MTHFD1: variants seen among roughly 807,000 people sequenced by gnomAD.
The protein encoded by MTHFD1 is C-1-tetrahydrofolate synthase, cytoplasmic.
In MTHFD1, 44 loss-of-function variants were observed where a neutral mutation model predicts 110.3. The ratio of observed to expected loss-of-function variants is 0.40; its 90% CI spans 0.31 to 0.51. The LOEUF is 0.51. Among genes scored for constraint, MTHFD1 ranks in the 20% least tolerant of loss-of-function variants. The probability of loss-of-function intolerance (pLI) is 0.60; values close to 1 mark genes in which losing one functional copy is unlikely to be tolerated. For missense variants in MTHFD1, 909 were observed against 1,173.1 expected (o/e 0.77, Z 3.29); for synonymous variants, 402 against 428.8 (o/e 0.94, Z 0.77).
At chr14:64,406,045 TTA>T (rs1219990594) in intron 2 of MTHFD1, among the ~76,000 whole-genome samples, 1 of 98,850 alleles carries the variant, frequency 1.0e-5, no homozygotes, top group African/African-American at 4.1e-5. Flanking sequence ...ATTATTATTA[TTA>T]TTTTTTTTGA....
intron 16 of MTHFD1, among the ~76,000 whole-genome samples, chr14:64,437,547 A>T (rs142876057): frequency 6.6e-6 from 1 of 152,178 alleles, no homozygotes; most frequent in Admixed American, 6.5e-5. Context: ...ATTTAACTCA[A>T]TTCTGACACT....
intron 1 of MTHFD1, among the ~76,000 whole-genome samples, chr14:64,400,388 C>CA (rs918450406): frequency 3.0e-4 from 36 of 118,572 alleles, no homozygotes; most frequent in African/African-American, 8.4e-4. Context: ...AACTTGGTCT[C>CA]AAAAAAAAAG....
At position 64,449,089 on chromosome 14, in the gene MTHFD1, G is replaced by C. The variant is rs548719504; in HGVS notation, c.2280-356G>C. On this transcript the variant is annotated intron_variant, in intron 23 of 27. Coordinates refer to ENST00000652337, the MANE Select transcript of MTHFD1 (RefSeq NM_005956.4). ...GTTGGGATTACAAGTGTGAGCCACC[G>C]CGCCCAGCCAGCAAAATTCTTAAAT... 4 of 353,646 alleles carry C rather than the reference G, an allele frequency of 1.1e-5. No individual in the cohort carries two copies. The East Asian group carries it at 2.8e-4, about 25-fold the overall frequency. 21.9% of individuals were successfully genotyped at this position (353,646 alleles called of 1,614,324 possible).
chr14:64,434,555 C>G (rs955438066), intron 15 of MTHFD1, among the ~76,000 whole-genome samples: 1 of 151,978 alleles, frequency 6.6e-6, no homozygotes, highest in African/African-American at 2.4e-5. Flanking sequence ...GACCTCATCT[C>G]AAAAAAACAA....
intron 11 of MTHFD1, among the ~76,000 whole-genome samples, chr14:64,427,110 C>T (rs553831483): frequency 4.6e-5 from 7 of 151,740 alleles, no homozygotes; most frequent in Admixed American, 3.9e-4. Flanking sequence ...GGCTGGAGTA[C>T]AGTGGTGCAG....
intron 1 of MTHFD1, among the ~76,000 whole-genome samples, chr14:64,395,848 T>C (rs182491038): frequency 3.7e-4 from 57 of 152,322 alleles, no homozygotes; most frequent in African/African-American, 1.3e-3. Context: ...AGAAGCTTAA[T>C]GTGAGTTATT....
chr14:64,427,108 T>C (rs2078124792), intron 11 of MTHFD1, among the ~76,000 whole-genome samples: 1 of 152,058 alleles, frequency 6.6e-6, no homozygotes, highest in Admixed American at 6.6e-5. Flanking sequence ...CAGGCTGGAG[T>C]ACAGTGGTGC....
At chr14:64,429,189 T>C (rs1389591020) in intron 12 of MTHFD1, among the ~76,000 whole-genome samples, 1 of 145,388 alleles carries the variant, frequency 6.9e-6, no homozygotes, top group African/African-American at 2.6e-5. Flanking sequence ...TAGCTGGGCA[T>C]GGTGGTATGT....
At position 64,448,003 on chromosome 14, in the gene MTHFD1, A is replaced by G. The variant is rs2078308255; in HGVS notation, c.2179-214A>G. On this transcript the variant is annotated intron_variant, in intron 22 of 27. Transcript: ENST00000652337. The stretch of plus-strand genomic sequence containing the variant: ...TGGGAAACAAGCAGAGCTCTACTCT[A>G]GTGTCATAGGCTGGAGTGAAAGCTG... 3 of 582,424 alleles carry G rather than the reference A, an allele frequency of 5.2e-6. No homozygotes were observed. The South Asian group carries it at 5.9e-5, about 11-fold the overall frequency. The allele number at this position is 582,424 out of a possible 1,614,324, so 36.1% of individuals were successfully genotyped here. A position where few individuals can be genotyped will look rare whatever the true frequency, so the allele number is the denominator to read the frequency against.
chr14:64,447,953 T>C, intron 22 of MTHFD1: 1 of 509,814 alleles, frequency 2.0e-6, no homozygotes, highest in Non-Finnish European at 3.6e-6. Context: ...ACAGGAAACA[T>C]ACCAGCTCTT....
At chr14:64,451,728 C>T (rs2078375466) in intron 24 of MTHFD1, among the ~76,000 whole-genome samples, 1 of 152,220 alleles carries the variant, frequency 6.6e-6, no homozygotes. Context: ...TTCTGGCAAA[C>T]AGGAGGCTGC....
intron 25 of MTHFD1, 22 bp from the exon 26 acceptor site, chr14:64,454,701 C>G (rs183656455): frequency 6.2e-7 from 1 of 1,606,664 alleles, no homozygotes; most frequent in South Asian, 1.1e-5. Flanking sequence ...TTTGTCCTCC[C>G]TCTCTTCCCT....
rs561149171 is a variant in MTHFD1, at chr14:64,426,962, A to AT, written c.1128-367dup. On this transcript the variant is annotated intron_variant, in intron 11 of 27. Transcript: ENST00000652337. ...CAAGAAGAGCTAAAATACAGGAATC[A>AT]TTTTTTTTCTTAAAGTTTTTTGGAA... Among the ~76,000 whole-genome samples, 156 of 152,164 alleles carry AT rather than the reference A, an allele frequency of 1.0e-3. No homozygotes were observed. In the Middle Eastern group the frequency reaches 0.017, roughly 17 times the overall value.
rs1249865743 is a variant in MTHFD1 at position 64,412,614 on chromosome 14, T to C, written c.240+89T>C. On this transcript the variant is annotated intron_variant, in intron 4 of 27. Transcript: ENST00000652337. The stretch of plus-strand genomic sequence containing the variant: ...TACGGGGGCTTTGGGGACTGACACA[T>C]TTAGCCAAGACCTCCAGGTATTTTT... 6 of 935,684 alleles carry C rather than the reference T, an allele frequency of 6.4e-6. No homozygotes were observed. The African/African-American group carries it at 6.5e-5, about 10-fold the overall frequency. 58.0% of individuals were successfully genotyped at this position (935,684 alleles called of 1,614,324 possible). A position where few individuals can be genotyped will look rare whatever the true frequency, so the allele number is the denominator to read the frequency against.
chr14:64,395,564 A>C (rs2077841262), intron 1 of MTHFD1, among the ~76,000 whole-genome samples: 1 of 152,096 alleles, frequency 6.6e-6, no homozygotes, highest in Admixed American at 6.6e-5. Flanking sequence ...TTAAAATCCT[A>C]AATTTTATAA....
chr14:64,399,370 G>C (rs985819183), intron 1 of MTHFD1, among the ~76,000 whole-genome samples: 11 of 152,134 alleles, frequency 7.2e-5, no homozygotes, highest in Non-Finnish European at 4.4e-5. Context: ...AGTAAGAAAA[G>C]ATCCACGTGT....
At chr14:64,443,384 G>A (rs146917953) in intron 21 of MTHFD1, among the ~76,000 whole-genome samples, 2 of 152,300 alleles carry the variant, frequency 1.3e-5, no homozygotes, top group East Asian at 3.9e-4. Flanking sequence ...ACATTTTTCA[G>A]ATCTTCTCTG....
At chr14:64,430,760 ATGAT>A (rs969538006) in intron 13 of MTHFD1, among the ~76,000 whole-genome samples, 44 of 152,232 alleles carry the variant, frequency 2.9e-4, no homozygotes, top group Non-Finnish European at 5.9e-5. Context: ...TTCAGTGGGA[ATGAT>A]TATTATAAGC....
At position 64,419,881 on chromosome 14, in the gene MTHFD1, A is replaced by G; in HGVS notation, c.683A>G (p.Lys228Arg). Residue 228 changes from lysine (K) to arginine (R), a missense_variant, in exon 8 of 28, where the codon AAA becomes AGA. Coordinates refer to ENST00000652337, the MANE Select transcript of MTHFD1 (RefSeq NM_005956.4). Reference protein sequence around the residue: ...QPEMVKGEWIKPGAIVIDCGI... With the variant: ...QPEMVKGEWIRPGAIVIDCGI... ...GAAATGGTTAAAGGGGAGTGGATCA[A>G]ACCTGGGGCAATAGTCATCGACTGT... is the stretch of plus-strand genomic sequence containing the variant. The G allele has an allele frequency of 5.6e-6, 9 of 1,614,176 alleles. No homozygotes were observed. The highest frequency in any genetic ancestry group is 7.6e-6 in the Non-Finnish European group (9 of 1,180,008).
Sources: allele counts gnomAD v4.1 joint callset (sites outside exome capture counted in the v4.1 genomes callset), GRCh38; gene constraint gnomAD v4.1.1; transcripts MANE v1.5; gene names NCBI Gene and HGNC (gene_info 2026-07-23, HGNC 2026-07-21).